The following EP400 variants were observed in gnomAD, a reference collection of about 807,000 sequenced individuals.
EP400 encodes the protein E1A-binding protein p400.
Under a neutral mutation model 354.1 loss-of-function variants are expected in EP400, and 105 were observed. The ratio of observed to expected loss-of-function variants is 0.30; its 90% CI spans 0.25 to 0.35. The LOEUF is 0.35. EP400 is among the 10% of genes least tolerant of loss of function. The probability of loss-of-function intolerance (pLI) is 1.00; values close to 1 mark genes in which losing one functional copy is unlikely to be tolerated. For synonymous variants in EP400, 1,646 were observed against 1,716.9 expected (o/e 0.96, Z 1.02); for missense variants, 3,280 against 4,121.0 (o/e 0.80, Z 5.59).
rs529120400 is a variant in EP400, at chr12:131,964,426, C to T, written c.1335+2472C>T. Reference sequence around the variant, plus strand: ...AGGTTGCAGTGAGCCGAGATTGTGTCACTGCACTCCAGCCTGGGCAGTAGA... The same window carrying T: ...AGGTTGCAGTGAGCCGAGATTGTGTTACTGCACTCCAGCCTGGGCAGTAGA... On this transcript the variant is annotated intron_variant, in intron 2 of 52. Coordinates refer to ENST00000389561, the MANE Select transcript of EP400 (RefSeq NM_015409.5). Among the ~76,000 whole-genome samples, 15 of 152,318 alleles carry T rather than the reference C, an allele frequency of 9.8e-5. No homozygotes were observed. In the South Asian group the frequency reaches 2.3e-3, roughly 23 times the overall value.
chr12:131,987,106 G>A (rs1892880759), intron 6 of EP400, among the ~76,000 whole-genome samples: 1 of 152,192 alleles, frequency 6.6e-6, no homozygotes, highest in African/African-American at 2.4e-5. Context: ...CTTGAGCGCT[G>A]GGGCCCTGCA....
At chr12:132,069,752 G>A (rs1896014276) in intron 51 of EP400, 111 bp downstream of exon 51, 2 of 1,474,546 alleles carry the variant, frequency 1.4e-6, no homozygotes, top group East Asian at 4.6e-5. Context: ...GCACTGGGTG[G>A]TGCACTGGAG....
In EP400 at chr12:131,990,861, G is replaced by C; in HGVS notation, c.2629+147G>C. 1 of 648,158 alleles carries C rather than the reference G, an allele frequency of 1.5e-6. No individual in the cohort carries two copies. The allele number at this position is 648,158 out of a possible 1,614,324, so 40.2% of individuals were successfully genotyped here. On this transcript the variant is annotated intron_variant, in intron 9 of 52. Coordinates refer to ENST00000389561, the MANE Select transcript of EP400 (RefSeq NM_015409.5). This position sits in a 1 kb window ranked among gnomAD's most constrained non-coding sequence, Gnocchi z 4.2. ...GCCTGATTGTTACATTTCTCTTTGT[G>C]TGGCCATCCTAGTTTTATGCTTCAG...
intron 2 of EP400, among the ~76,000 whole-genome samples, chr12:131,975,282 G>A (rs1218111951): frequency 1.3e-5 from 2 of 152,258 alleles, no homozygotes; most frequent in East Asian, 3.9e-4. Context: ...CAGTTTATCC[G>A]TGTGTTCATG....
chr12:132,019,394 G>A lies in EP400; in HGVS notation c.4278-655G>A, dbSNP rs117640684. 5.3e-5 allele frequency among the ~76,000 whole-genome samples: 8 copies of A among 152,220 alleles called. No individual in the cohort carries two copies. In the East Asian group the frequency reaches 1.5e-3, roughly 29 times the overall value. On this transcript the variant is annotated intron_variant, in intron 21 of 52. Transcript: ENST00000389561. ...GCCTGTTACATTGTATAGGGGTTTT[G>A]AAAATGGCCAATATAGTTCCCAGCT...
In EP400 at chr12:131,961,910, G is replaced by A. The variant is rs1344695300; in HGVS notation, c.1291G>A (p.Glu431Lys). ...TTTGGACATTGAAGAAGAGGAGGAG[G>A]AGGAGGAAGAGGAGGAAGAAAAATC... ...NDLDIEEEEE[E>K]EEEEEEKSEV... The change falls in exon 2 of 53, where the codon GAG (glutamate) becomes AAG (lysine). Residue 431 changes from glutamate to lysine, a missense_variant. Glu to Lys is a moderately conservative substitution (Grantham distance 56). Coordinates refer to ENST00000389561, the MANE Select transcript of EP400 (RefSeq NM_015409.5). The A allele has an allele frequency of 6.2e-7, 1 of 1,613,402 alleles. No individual in the cohort carries two copies. The highest frequency in any genetic ancestry group is 8.5e-7 in the Non-Finnish European group (1 of 1,179,700).
intron 32 of EP400, among the ~76,000 whole-genome samples, chr12:132,041,950 C>CTTTTTTTTTTTTTTTT (rs1894925998): frequency 7.4e-6 from 1 of 134,882 alleles, no homozygotes. Flanking sequence ...CTTTTTTTTT[C>CTTTTTTTTTTTTTTTT]TTTTTCTTTT....
In EP400 at chr12:132,013,378, C is replaced by T; in HGVS notation, c.3612-112C>T. 7.0e-7 allele frequency: 1 copy of T among 1,426,276 alleles called. No individual in the cohort carries two copies. Among genetic ancestry groups the T allele is most frequent in the African/African-American group, 1.4e-5 (1 of 70,244 alleles). The allele number at this position is 1,426,276 out of a possible 1,614,324, so 88.4% of individuals were successfully genotyped here. Reference sequence around the variant, plus strand: ...CCCTTTTCAGGCATGTGCACGTTGACATTTGCGGTGTCAAATTACTGTCCC... The same window carrying T: ...CCCTTTTCAGGCATGTGCACGTTGATATTTGCGGTGTCAAATTACTGTCCC... On this transcript the variant is annotated intron_variant, in intron 17 of 52. Transcript: ENST00000389561. This position sits in a 1 kb window ranked among gnomAD's most constrained non-coding sequence, Gnocchi z 4.5.
At chr12:131,975,381 G>A (rs1414889998) in intron 2 of EP400, among the ~76,000 whole-genome samples, 8 of 152,136 alleles carry the variant, frequency 5.3e-5, no homozygotes, top group Non-Finnish European at 1.5e-5. Context: ...CTGTGTGAGC[G>A]TGGGTCTGAT....
At chr12:132,066,724 A>C in intron 48 of EP400, 50 bp from the exon 49 acceptor site, 526 of 1,558,826 alleles carry the variant, frequency 3.4e-4, no homozygotes, top group Non-Finnish European at 4.3e-4. Flanking sequence ...TTGGAAAGAC[A>C]TACCGTGTCC....
In EP400 at chr12:132,064,977, T is replaced by C. The variant is rs968019001; in HGVS notation, c.8553+91T>C. 3.5e-5 allele frequency: 53 copies of C among 1,502,264 alleles called. No homozygotes were observed. The East Asian group carries it at 1.3e-3, about 36-fold the overall frequency. 93.1% of individuals were successfully genotyped at this position (1,502,264 alleles called of 1,614,324 possible). The stretch of plus-strand genomic sequence containing the variant: ...GCTTGCTCAGGTGCGTGTCACGTGT[T>C]ACAGGAGTGAGTGTGAGACGGGTTC... On this transcript the variant is annotated intron_variant, in intron 48 of 52. Transcript: ENST00000389561.
In EP400 at chr12:131,960,833, G is replaced by C. The variant is rs375222578; in HGVS notation, c.214G>C (p.Val72Leu). The change falls in exon 2 of 53, where the codon GTG becomes CTG. Residue 72 changes from valine (V) to leucine (L), a missense_variant. By Grantham distance (32) the Val-to-Leu change is conservative. Around this residue, in one of 20 missense-constraint regions of EP400, gnomAD observed 172 missense variants for 242.9 expected, o/e 0.71. Transcript: ENST00000389561. The stretch of plus-strand genomic sequence containing the variant: ...TAGGAGCCCTGCAACCGGGCAGAAC[G>C]TGAACATCACCCTGCAGAGCGTGGG... ...MNRSPATGQN[V>L]NITLQSVGPV... 5.0e-6 allele frequency: 8 copies of C among 1,613,650 alleles called. No individual in the cohort carries two copies. The African/African-American group carries it at 1.1e-4, about 22-fold the overall frequency.
chr12:132,076,667 G>A, intron 52 of EP400, 74 bp downstream of exon 52: 1 of 1,352,760 alleles, frequency 7.4e-7, no homozygotes, highest in Non-Finnish European at 1.0e-6. Flanking sequence ...CTGAGGTCAT[G>A]ATTAGGGAAT....
chr12:132,020,519 A>G (rs1894090553), intron 22 of EP400, among the ~76,000 whole-genome samples: 1 of 152,276 alleles, frequency 6.6e-6, no homozygotes, highest in Non-Finnish European at 1.5e-5. Flanking sequence ...GCAGTCGTCT[A>G]GGAGACTCCT....
intron 39 of EP400, among the ~76,000 whole-genome samples, chr12:132,047,449 A>C (rs1350990584): frequency 6.6e-6 from 1 of 152,166 alleles, no homozygotes; most frequent in Non-Finnish European, 1.5e-5. Context: ...TACAAAAAAG[A>C]GAAATTTTAA....
At chr12:131,964,913 C>T (rs1892026352) in intron 2 of EP400, among the ~76,000 whole-genome samples, 1 of 152,200 alleles carries the variant, frequency 6.6e-6, no homozygotes, top group Non-Finnish European at 1.5e-5. Context: ...GTTTCTTTCC[C>T]CCTAGTCCAG....
Position 132,013,218 on chromosome 12 carries a change from G to C in EP400, c.3611+40G>C, listed in dbSNP as rs766710884. Reference sequence around the variant, plus strand: ...CGCTTGTCATTGAGTGTTCTTTGCTGTTGATGTAGAAGATTCTCTTGAAGA... The same window carrying C: ...CGCTTGTCATTGAGTGTTCTTTGCTCTTGATGTAGAAGATTCTCTTGAAGA... On this transcript the variant is annotated intron_variant, in intron 17 of 52. Coordinates refer to ENST00000389561, the MANE Select transcript of EP400 (RefSeq NM_015409.5). The surrounding 1 kb of genome is among the most constrained non-coding windows in gnomAD (Gnocchi z 4.5). The C allele has an allele frequency of 6.4e-7, 1 of 1,572,370 alleles. No homozygotes were observed. Among genetic ancestry groups the C allele is most frequent in the Non-Finnish European group, 8.7e-7 (1 of 1,154,654 alleles).
chr12:132,053,236 G>C lies in EP400; in HGVS notation c.7473+12G>C, dbSNP rs780627825. On this transcript the variant is annotated intron_variant, in intron 42 of 52. Coordinates refer to ENST00000389561, the MANE Select transcript of EP400 (RefSeq NM_015409.5). ...CAAAAGAGAAAAAGGTCAGCGCCCT[G>C]GGCCCTTCTGCTTGAGTGGGAAAAT... The C allele has an allele frequency of 6.2e-7, 1 of 1,613,346 alleles. No individual in the cohort carries two copies. The highest frequency in any genetic ancestry group is 8.5e-7 in the Non-Finnish European group (1 of 1,179,956).
In EP400 at chr12:132,079,836, C is replaced by T. The variant is rs930895788; in HGVS notation, c.*2163C>T. 7 of 152,226 alleles carry T rather than the reference C, an allele frequency of 4.6e-5. No homozygotes were observed. In the East Asian group the frequency reaches 5.8e-4, roughly 13 times the overall value. 9.4% of individuals were successfully genotyped at this position (152,226 alleles called of 1,614,324 possible). A position where few individuals can be genotyped will look rare whatever the true frequency, so the allele number is the denominator to read the frequency against. The stretch of plus-strand genomic sequence containing the variant: ...CGGACATATTTTTACTCGTAGCACT[C>T]AATTTAGTAACTTCTAGATGCTACC... On this transcript the variant is annotated 3_prime_UTR_variant, in exon 53 of 53. Transcript: ENST00000389561.
Sources: allele counts gnomAD v4.1 joint callset (sites outside exome capture counted in the v4.1 genomes callset), GRCh38; gene constraint gnomAD v4.1.1; regional missense constraint gnomAD v4.1.1; non-coding constraint Gnocchi (gnomAD v3.1); transcripts MANE v1.5; gene names NCBI Gene and HGNC (gene_info 2026-07-23, HGNC 2026-07-21).